Variants in MON2 observed in about 807,000 individuals in gnomAD.
The protein encoded by MON2 is MON2 regulator of endosome-to-Golgi trafficking, also known as protein MON2 homolog.
A neutral mutation model predicts 208.6 loss-of-function variants in MON2; 84 were observed. The ratio of observed to expected loss-of-function variants is 0.40; its 90% CI spans 0.34 to 0.48. The LOEUF (loss-of-function observed/expected upper bound fraction) is 0.48. MON2 is among the 20% of genes least tolerant of loss of function. The pLI is 0.59. For synonymous variants in MON2, 660 were observed against 694.0 expected, an observed-to-expected ratio of 0.95 and a Z score of 0.77; for missense variants, 1,611 against 2,015.4, an observed-to-expected ratio of 0.80 and a Z score of 3.84.
intron 1 of MON2, among the ~76,000 whole-genome samples, chr12:62,473,400 G>A (rs531021238): frequency 9.9e-5 from 15 of 152,186 alleles, no homozygotes; most frequent in Non-Finnish European, 1.8e-4. Flanking sequence ...ATATCATGCT[G>A]CACATGCCTT....
intron 26 of MON2, among the ~76,000 whole-genome samples, chr12:62,562,602 ATTT>A (rs1488018194): frequency 6.6e-6 from 1 of 152,086 alleles, no homozygotes; most frequent in African/African-American, 2.4e-5. Context: ...AAAAATGTAT[ATTT>A]TATTATCAGA....
rs534347851 is a variant in MON2, at chr12:62,540,525, C to T, written c.2364+2020C>T. Among the ~76,000 whole-genome samples, 8 of 151,872 alleles carry T rather than the reference C, an allele frequency of 5.3e-5. No homozygotes were observed. The South Asian group carries it at 1.5e-3, about 28-fold the overall frequency. Reference sequence around the variant, plus strand: ...AGAAAAATATTGTAGGAAATCATGACCTATAAGAAAAAAATAGGAGATTTG... The same window carrying T: ...AGAAAAATATTGTAGGAAATCATGATCTATAAGAAAAAAATAGGAGATTTG... On this transcript the variant is annotated intron_variant, in intron 19 of 34. Transcript: ENST00000393630.
At chr12:62,589,025 A>G (rs2075309204) in intron 34 of MON2, 2 of 594,916 alleles carry the variant, frequency 3.4e-6, no homozygotes, top group Non-Finnish European at 2.6e-6. Context: ...CTCCCTTTAC[A>G]TTGTTAAGAT....
intron 8 of MON2, among the ~76,000 whole-genome samples, chr12:62,514,963 C>T (rs933924818): frequency 2.0e-5 from 3 of 152,134 alleles, no homozygotes; most frequent in African/African-American, 7.2e-5. Flanking sequence ...CTGTTAAAAA[C>T]ACAACAGAAC....
chr12:62,557,064 C>T (rs965909623), intron 25 of MON2, among the ~76,000 whole-genome samples: 2 of 150,358 alleles, frequency 1.3e-5, no homozygotes, highest in Non-Finnish European at 2.9e-5. Context: ...CTCAAGTCTG[C>T]GTGACAGAGT....
At chr12:62,529,845 A>G (rs1020534524) in intron 11 of MON2, among the ~76,000 whole-genome samples, 3 of 152,202 alleles carry the variant, frequency 2.0e-5, no homozygotes, top group African/African-American at 4.8e-5. Context: ...TCTTTGATGC[A>G]ACATAATTTT....
chr12:62,560,075 T>C (rs900334345), intron 25 of MON2: 2 of 152,230 alleles, frequency 1.3e-5, no homozygotes, highest in Non-Finnish European at 2.9e-5. Flanking sequence ...GGAAATGGTA[T>C]AAATATGTAT....
chr12:62,541,310 G>C (rs1035683373), intron 19 of MON2, among the ~76,000 whole-genome samples: 1 of 151,240 alleles, frequency 6.6e-6, no homozygotes, highest in East Asian at 1.9e-4. Context: ...GGGAGGTGGA[G>C]GTTGCTGTGA....
At chr12:62,497,558 A>T (rs150662173) in intron 4 of MON2, among the ~76,000 whole-genome samples, 1 of 152,322 alleles carries the variant, frequency 6.6e-6, no homozygotes, top group East Asian at 1.9e-4. Flanking sequence ...AAATTCACGT[A>T]TACTGCTGGC....
chr12:62,553,001 C>T lies in MON2; in HGVS notation c.3037C>T (p.His1013Tyr). The change falls in exon 24 of 35, where the codon CAC (histidine) becomes TAC (tyrosine). Residue 1013 changes from histidine to tyrosine, a missense_variant. Coordinates refer to ENST00000393630, the MANE Select transcript of MON2 (RefSeq NM_015026.3). ...EKGVVLNRPF[H>Y]PAPPFDCLWL... is the part of the protein sequence containing the mutation. ...AGGAGTTGTTTTAAATCGGCCATTC[C>T]ACCCTGCACCGCCATTTGATTGCTT... 6 of 1,614,156 alleles carry T rather than the reference C, an allele frequency of 3.7e-6. No homozygotes were observed. Among genetic ancestry groups the T allele is most frequent in the Non-Finnish European group, 5.1e-6 (6 of 1,180,020 alleles).
intron 1 of MON2, among the ~76,000 whole-genome samples, chr12:62,479,940 C>A (rs1330685039): frequency 6.6e-6 from 1 of 152,094 alleles, no homozygotes; most frequent in Non-Finnish European, 1.5e-5. Flanking sequence ...ATCCTTGATA[C>A]ATAGAAGGAA....
At chr12:62,588,865 G>A in intron 34 of MON2, 2 of 1,474,886 alleles carry the variant, frequency 1.4e-6, no homozygotes, top group East Asian at 2.5e-5. Context: ...GCTTGTATCA[G>A]CCTATTTGGA....
At chr12:62,509,960 T>A in intron 8 of MON2, among the ~76,000 whole-genome samples, 1 of 148,808 alleles carries the variant, frequency 6.7e-6, no homozygotes, top group African/African-American at 2.5e-5. Flanking sequence ...AAATCAGAAA[T>A]GAAGGAGGAG....
At chr12:62,513,791 CA>C (rs1158785600) in intron 8 of MON2, among the ~76,000 whole-genome samples, 1 of 126,252 alleles carries the variant, frequency 7.9e-6, no homozygotes, top group African/African-American at 2.6e-5. Flanking sequence ...CTAAAAAATA[CA>C]AAAAAAAACT....
At chr12:62,550,880 A>G (rs890123849) in intron 23 of MON2, among the ~76,000 whole-genome samples, 10 of 150,234 alleles carry the variant, frequency 6.7e-5, no homozygotes, top group Non-Finnish European at 1.2e-4. Context: ...GATACCATCA[A>G]TAAGCCTGCT....
Position 62,595,945 on chromosome 12 carries a change from G to A in MON2, c.*3196G>A, listed in dbSNP as rs2075518990. The A allele has an allele frequency of 6.6e-6, 1 of 152,160 alleles. No homozygotes were observed. The highest frequency in any genetic ancestry group is 1.5e-5 in the Non-Finnish European group (1 of 68,032). 9.4% of individuals were successfully genotyped at this position (152,160 alleles called of 1,614,324 possible). The stretch of plus-strand genomic sequence containing the variant: ...TTTGTATGTATCATCAGAAGAAAGA[G>A]ATGAACAATTTAGTGTAGATATTTT... On this transcript the variant is annotated 3_prime_UTR_variant, in exon 35 of 35. Coordinates refer to ENST00000393630, the MANE Select transcript of MON2 (RefSeq NM_015026.3).
chr12:62,526,263 G>A (rs1455542404), intron 11 of MON2, among the ~76,000 whole-genome samples, 161 bp downstream of exon 11: 2 of 152,046 alleles, frequency 1.3e-5, no homozygotes, highest in Non-Finnish European at 2.9e-5. Context: ...ATCTAGGACT[G>A]GATTTTATTT....
intron 21 of MON2, among the ~76,000 whole-genome samples, chr12:62,546,017 T>C (rs1186706959): frequency 6.6e-6 from 1 of 152,156 alleles, no homozygotes; most frequent in Non-Finnish European, 1.5e-5. Flanking sequence ...AGAAGAAAGT[T>C]AAGAATGAAG....
At chr12:62,529,933 A>G (rs2072541407) in intron 11 of MON2, among the ~76,000 whole-genome samples, 1 of 152,192 alleles carries the variant, frequency 6.6e-6, no homozygotes, top group South Asian at 2.1e-4. Flanking sequence ...ATGTGTAGTT[A>G]TCAAATCAGG....
Sources: allele counts gnomAD v4.1 joint callset (sites outside exome capture counted in the v4.1 genomes callset), GRCh38; gene constraint gnomAD v4.1.1; transcripts MANE v1.5; gene names NCBI Gene and HGNC (gene_info 2026-07-23, HGNC 2026-07-21).